AGAP1: variants seen among roughly 807,000 people sequenced by gnomAD.
AGAP1 encodes the protein arf-GAP with GTPase, ANK repeat and PH domain-containing protein 1.
In AGAP1, 29 loss-of-function variants were observed where a neutral mutation model predicts 105.3. That is an observed-to-expected ratio of 0.28 (90% CI 0.21 to 0.38). The LOEUF (loss-of-function observed/expected upper bound fraction) is 0.38, where lower values mean the gene tolerates loss of function less well. AGAP1 is among the 10% of genes least tolerant of loss of function. The probability of loss-of-function intolerance (pLI) is 1.00; values close to 1 mark genes in which losing one functional copy is unlikely to be tolerated. For synonymous variants in AGAP1, 509 were observed against 485.9 expected (o/e 1.05, Z -0.63); for missense variants, 998 against 1,165.1 (o/e 0.86, Z 2.09).
In AGAP1 at chr2:235,611,650, T is replaced by A. The variant is rs1946129173; in HGVS notation, c.164-97529T>A. Among the ~76,000 whole-genome samples, 1 of 152,202 alleles carries A rather than the reference T, an allele frequency of 6.6e-6. No individual in the cohort carries two copies. Among genetic ancestry groups the A allele is most frequent in the Admixed American group, 6.5e-5 (1 of 15,282 alleles). On this transcript the variant is annotated intron_variant, in intron 1 of 17. Transcript: ENST00000304032. The surrounding 1 kb of genome is among the most constrained non-coding windows in gnomAD (Gnocchi z 5.0). ...CCCAGGGAGGCTTGGATCTTTAGAT[T>A]GATAAGCAGGATAGTAAACCAGTTG...
chr2:235,855,325 T>C lies in AGAP1; in HGVS notation c.1051-28020T>C, dbSNP rs1409164187. Among the ~76,000 whole-genome samples, 6 of 152,174 alleles carry C rather than the reference T, an allele frequency of 3.9e-5. No individual in the cohort carries two copies. The highest frequency in any genetic ancestry group is 8.8e-5 in the Non-Finnish European group (6 of 68,034). The stretch of plus-strand genomic sequence containing the variant: ...CAGGGAGTGAGTAGTGTGACAGGCA[T>C]GTCAAAATTAATCATCAGTAGATTT... On this transcript the variant is annotated intron_variant, in intron 9 of 17. Coordinates refer to ENST00000304032, the MANE Select transcript of AGAP1 (RefSeq NM_001037131.3). This position sits in a 1 kb window ranked among gnomAD's most constrained non-coding sequence, Gnocchi z 5.0.
In AGAP1 at chr2:236,056,479, C is replaced by T. The variant is rs971264487; in HGVS notation, c.2114+7198C>T. ...AGGCAGCAACTGGCTTCCAGGTGCC[C>T]TGACCACGTTCAAGCCTGTGTCTAC... On this transcript the variant is annotated intron_variant, in intron 16 of 17. Transcript: ENST00000304032. This position sits in a 1 kb window ranked among gnomAD's most constrained non-coding sequence, Gnocchi z 4.6. Among the ~76,000 whole-genome samples, 1 of 152,172 alleles carries T rather than the reference C, an allele frequency of 6.6e-6. No individual in the cohort carries two copies. The highest frequency in any genetic ancestry group is 1.5e-5 in the Non-Finnish European group (1 of 68,032).
chr2:235,849,949 T>G (rs1345173704), intron 9 of AGAP1, among the ~76,000 whole-genome samples: 2 of 152,162 alleles, frequency 1.3e-5, no homozygotes, highest in African/African-American at 4.8e-5. Context: ...CCTTTCTCAC[T>G]TTTCCCTCTC....
rs548651652 is a variant in AGAP1, at chr2:235,961,763, T to C, written c.1484-6699T>C. Among the ~76,000 whole-genome samples, 1 of 152,208 alleles carries C rather than the reference T, an allele frequency of 6.6e-6. No homozygotes were observed. The highest frequency in any genetic ancestry group is 2.4e-5 in the African/African-American group (1 of 41,552). ...CTCTACTAAAAATACGAAAATTAGC[T>C]GGGCGTGGTGCAGGAGAATCTCTTG... On this transcript the variant is annotated intron_variant, in intron 12 of 17. Transcript: ENST00000304032. The surrounding 1 kb of genome is among the most constrained non-coding windows in gnomAD (Gnocchi z 5.9).
At position 236,046,456 on chromosome 2, in the gene AGAP1, T is replaced by C. The variant is rs1376154267; in HGVS notation, c.1892-2603T>C. Among the ~76,000 whole-genome samples the C allele has an allele frequency of 2.0e-5, 3 of 152,112 alleles. No individual in the cohort carries two copies. Among genetic ancestry groups the C allele is most frequent in the South Asian group, 2.1e-4 (1 of 4,812 alleles). ...GTTCGAGAAGAAAGCGTTGGACTTA[T>C]GAGAGGTTGAGAACCTTGTGATTGG... On this transcript the variant is annotated intron_variant, in intron 15 of 17. Coordinates refer to ENST00000304032, the MANE Select transcript of AGAP1 (RefSeq NM_001037131.3). This position sits in a 1 kb window ranked among gnomAD's most constrained non-coding sequence, Gnocchi z 5.2.
chr2:235,542,946 G>A lies in AGAP1; in HGVS notation c.163+48097G>A, dbSNP rs75878009. ...CAGTTGCATTGGGCTTTTGTCCTTC[G>A]TTTTCCTGACCTGGGGACGGTCTCC... On this transcript the variant is annotated intron_variant, in intron 1 of 17. Coordinates refer to ENST00000304032, the MANE Select transcript of AGAP1 (RefSeq NM_001037131.3). 9.2e-3 allele frequency among the ~76,000 whole-genome samples: 1,397 copies of A among 152,284 alleles called. 18 individuals are homozygous for A. Among genetic ancestry groups the A allele is most frequent in the African/African-American group, 0.033 (1,354 of 41,558 alleles).
chr2:236,099,679 G>C (rs1047148642), intron 16 of AGAP1, among the ~76,000 whole-genome samples: 1 of 152,098 alleles, frequency 6.6e-6, no homozygotes, highest in Non-Finnish European at 1.5e-5. Flanking sequence ...TTGCCACCAA[G>C]TGACACTTGA....
Position 235,716,957 on chromosome 2 carries a change from C to T in AGAP1, c.223-600C>T, listed in dbSNP as rs571304318. Among the ~76,000 whole-genome samples the T allele has an allele frequency of 6.6e-6, 1 of 152,222 alleles. No homozygotes were observed. The highest frequency in any genetic ancestry group is 1.5e-5 in the Non-Finnish European group (1 of 68,016). ...TCTCCCAGCAGCCCTGGCACTGTCC[C>T]CTTTTTCTCGGAGATGCCTTGGTGG... is the stretch of plus-strand genomic sequence containing the variant. On this transcript the variant is annotated intron_variant, in intron 2 of 17. Transcript: ENST00000304032. The surrounding 1 kb of genome is among the most constrained non-coding windows in gnomAD (Gnocchi z 4.0).
At chr2:235,950,312 T>A (rs1469888996) in intron 12 of AGAP1, among the ~76,000 whole-genome samples, 1 of 152,154 alleles carries the variant, frequency 6.6e-6, no homozygotes, top group Non-Finnish European at 1.5e-5. Flanking sequence ...AGCTACAGAA[T>A]TGCAAAGAAG....
intron 9 of AGAP1, among the ~76,000 whole-genome samples, chr2:235,815,773 C>T (rs1300821652): frequency 6.6e-6 from 1 of 152,186 alleles, no homozygotes; most frequent in Admixed American, 6.5e-5. Context: ...TGAAACTTTC[C>T]TAAGTTGTGG....
rs1372596146 is a variant in AGAP1, at chr2:236,109,017, G to A, written c.2115-11175G>A. On this transcript the variant is annotated intron_variant, in intron 16 of 17. Transcript: ENST00000304032. This position sits in a 1 kb window ranked among gnomAD's most constrained non-coding sequence, Gnocchi z 5.4. ...CCTTCCCTGCCAGGACCAAAACACA[G>A]CTGATGGTGGCTGTGTGAGACCTCA... Among the ~76,000 whole-genome samples the A allele has an allele frequency of 6.6e-6, 1 of 152,178 alleles. No individual in the cohort carries two copies. Among genetic ancestry groups the A allele is most frequent in the Non-Finnish European group, 1.5e-5 (1 of 68,034 alleles).
chr2:235,866,290 C>A lies in AGAP1; in HGVS notation c.1051-17055C>A, dbSNP rs1011009885. On this transcript the variant is annotated intron_variant, in intron 9 of 17. Coordinates refer to ENST00000304032, the MANE Select transcript of AGAP1 (RefSeq NM_001037131.3). This position sits in a 1 kb window ranked among gnomAD's most constrained non-coding sequence, Gnocchi z 6.1. ...GCTACTGATGTGGGAATCTGGGAGC[C>A]CGAGCCGACTCAGACAGTCCTGACT... is the stretch of plus-strand genomic sequence containing the variant. Among the ~76,000 whole-genome samples, 1 of 152,090 alleles carries A rather than the reference C, an allele frequency of 6.6e-6. No homozygotes were observed. The highest frequency in any genetic ancestry group is 2.4e-5 in the African/African-American group (1 of 41,418).
Position 235,983,140 on chromosome 2 carries a change from C to T in AGAP1, c.1645+14517C>T, listed in dbSNP as rs2055164489. On this transcript the variant is annotated intron_variant, in intron 13 of 17. Coordinates refer to ENST00000304032, the MANE Select transcript of AGAP1 (RefSeq NM_001037131.3). The surrounding 1 kb of genome is among the most constrained non-coding windows in gnomAD (Gnocchi z 4.5). ...CTGGCCTCAGGGGTCTCCCAGGATG[C>T]TGGGGCTGGTGGACGACCCCAGAGA... Among the ~76,000 whole-genome samples, 1 of 152,118 alleles carries T rather than the reference C, an allele frequency of 6.6e-6. No homozygotes were observed. The highest frequency in any genetic ancestry group is 2.4e-5 in the African/African-American group (1 of 41,424).
intron 6 of AGAP1, among the ~76,000 whole-genome samples, chr2:235,758,980 A>G (rs1336558831): frequency 1.3e-5 from 2 of 151,732 alleles, no homozygotes; most frequent in African/African-American, 4.8e-5. Context: ...TTTAGTAGAA[A>G]TGGGGTTTTG....
rs1160456678 is a variant in AGAP1 at position 235,983,957 on chromosome 2, G to GAATT, written c.1645+15336_1645+15339dup. Reference sequence around the variant, plus strand: ...TTTAAGTGTTCAATTCAGTGCCGTTGAATTATATTTTCACATTCACAGTGC... The same window carrying GAATT: ...TTTAAGTGTTCAATTCAGTGCCGTTGAATTAATTATATTTTCACATTCACAGTGC... On this transcript the variant is annotated intron_variant, in intron 13 of 17. Transcript: ENST00000304032. The surrounding 1 kb of genome is among the most constrained non-coding windows in gnomAD (Gnocchi z 4.5). Among the ~76,000 whole-genome samples the GAATT allele has an allele frequency of 6.6e-6, 1 of 152,158 alleles. No individual in the cohort carries two copies. Among genetic ancestry groups the GAATT allele is most frequent in the Non-Finnish European group, 1.5e-5 (1 of 68,038 alleles).
In AGAP1 at chr2:236,045,228, T is replaced by C. The variant is rs1259629981; in HGVS notation, c.1892-3831T>C. On this transcript the variant is annotated intron_variant, in intron 15 of 17. Transcript: ENST00000304032. The surrounding 1 kb of genome is among the most constrained non-coding windows in gnomAD (Gnocchi z 6.9). ...ACTGTGCTGGGCCTAGTTTTTTTTA[T>C]TTTTTCCTGCTTGGTCTGTCCTCAT... is the stretch of plus-strand genomic sequence containing the variant. 6.6e-6 allele frequency among the ~76,000 whole-genome samples: 1 copy of C among 152,178 alleles called. No individual in the cohort carries two copies. Among genetic ancestry groups the C allele is most frequent in the Non-Finnish European group, 1.5e-5 (1 of 68,026 alleles).
intron 9 of AGAP1, among the ~76,000 whole-genome samples, chr2:235,851,677 G>C (rs1228990000): frequency 6.6e-6 from 1 of 152,076 alleles, no homozygotes; most frequent in African/African-American, 2.4e-5. Context: ...AAATACAAGT[G>C]CAAGTGCAAG....
chr2:235,802,632 T>TG (rs1311139360), intron 8 of AGAP1, among the ~76,000 whole-genome samples: 1 of 152,160 alleles, frequency 6.6e-6, no homozygotes, highest in Non-Finnish European at 1.5e-5. Flanking sequence ...AAAATGATGG[T>TG]GGTGATGATG....
At chr2:235,832,474 C>G (rs939103276) in intron 9 of AGAP1, among the ~76,000 whole-genome samples, 2 of 152,220 alleles carry the variant, frequency 1.3e-5, no homozygotes, top group Non-Finnish European at 2.9e-5. Flanking sequence ...ATCATCAACT[C>G]TTCCGATGAG....
Sources: allele counts gnomAD v4.1 joint callset (sites outside exome capture counted in the v4.1 genomes callset), GRCh38; gene constraint gnomAD v4.1.1; non-coding constraint Gnocchi (gnomAD v3.1); transcripts MANE v1.5; gene names NCBI Gene and HGNC (gene_info 2026-07-23, HGNC 2026-07-21).